Variants in CCDC88C observed in about 807,000 individuals in gnomAD.
The protein encoded by CCDC88C is coiled-coil and HOOK domain protein 88C, also known as protein Daple.
Under a neutral mutation model 198.8 loss-of-function variants are expected in CCDC88C, and 131 were observed. The ratio of observed to expected loss-of-function variants is 0.66; its 90% CI spans 0.57 to 0.76. The LOEUF is 0.76. Ranked by LOEUF, CCDC88C falls within the 30% of genes least tolerant of loss-of-function variation. The probability of loss-of-function intolerance (pLI) is 0.00; values close to 1 mark genes in which losing one functional copy is unlikely to be tolerated. For missense variants in CCDC88C, 2,553 were observed against 2,631.6 expected, an observed-to-expected ratio of 0.97 and a Z score of 0.65; for synonymous variants, 1,166 against 1,114.7, an observed-to-expected ratio of 1.05 and a Z score of -0.92.
Position 91,297,302 on chromosome 14 carries a change from C to A in CCDC88C, c.3966+3G>T. 6.2e-7 allele frequency: 1 copy of A among 1,612,462 alleles called. No homozygotes were observed. The highest frequency in any genetic ancestry group is 8.5e-7 in the Non-Finnish European group (1 of 1,179,246). ...CCCGAGGCTCCCCTGGCGCTGGCCTCACCTCACAGTGGTTGTCCAGCTTGG... is the reference window on the plus strand; with the variant it reads ...CCCGAGGCTCCCCTGGCGCTGGCCTAACCTCACAGTGGTTGTCCAGCTTGG... On this transcript the variant is annotated splice_donor_region_variant and intron_variant, in intron 22 of 29. Coordinates refer to ENST00000389857, the MANE Select transcript of CCDC88C (RefSeq NM_001080414.4).
At position 91,393,848 on chromosome 14, in the gene CCDC88C, C is replaced by T. The variant is rs952271744; in HGVS notation, c.270+14811G>A. ...CAGCCTGGGCGACAGAGCGAGACTC[C>T]GTCTCAAAAAAAAGAAATCAACTTC... On this transcript the variant is annotated intron_variant, in intron 3 of 29. Coordinates refer to ENST00000389857, the MANE Select transcript of CCDC88C (RefSeq NM_001080414.4). Among the ~76,000 whole-genome samples, 7 of 152,044 alleles carry T rather than the reference C, an allele frequency of 4.6e-5. No homozygotes were observed. The East Asian group carries it at 5.8e-4, about 13-fold the overall frequency.
At chr14:91,355,486 C>G (rs1371047309) in intron 4 of CCDC88C, among the ~76,000 whole-genome samples, 1 of 152,060 alleles carries the variant, frequency 6.6e-6, no homozygotes, top group African/African-American at 2.4e-5. Flanking sequence ...CCAGACAGAC[C>G]CTCCCCTCCC....
At chr14:91,387,705 A>T (rs1207918585) in intron 3 of CCDC88C, among the ~76,000 whole-genome samples, 1 of 152,202 alleles carries the variant, frequency 6.6e-6, no homozygotes, top group Non-Finnish European at 1.5e-5. Context: ...TTATGCAGCC[A>T]CAGGAAGATT....
At position 91,321,133 on chromosome 14, in the gene CCDC88C, T is replaced by C. The variant is rs377195223; in HGVS notation, c.1514A>G (p.Gln505Arg). Residue 505 changes from glutamine (Q) to arginine (R), a missense_variant, in exon 13 of 30, where the codon CAG (glutamine) becomes CGG (arginine). Transcript: ENST00000389857. ...KCGELEKENH[Q>R]LSKKIEKLQT... ...AGGCCGAGGTACCTTCTTGCTGAGC[T>C]GGTGGTTCTCCTTCTCCAGCTCCCC... The C allele has an allele frequency of 6.2e-7, 1 of 1,610,298 alleles. No individual in the cohort carries two copies. The highest frequency in any genetic ancestry group is 1.3e-5 in the African/African-American group (1 of 74,782).
At chr14:91,293,531 TGCCACGGCCCACC>T (rs1890837883) in intron 23 of CCDC88C, among the ~76,000 whole-genome samples, 1 of 13,908 alleles carries the variant, frequency 7.2e-5, no homozygotes, top group African/African-American at 5.7e-4. Flanking sequence ...TCCCCTCACC[TGCCACGGCCCACC>T]TTCCTGTCCC....
At chr14:91,408,610 G>A (rs547246935) in intron 3 of CCDC88C, 49 bp downstream of exon 3, 27 of 1,173,764 alleles carry the variant, frequency 2.3e-5, no homozygotes, top group African/African-American at 6.0e-5. Flanking sequence ...TGACAGTGAC[G>A]ATACTGATGG....
At chr14:91,345,187 T>C (rs1893486309) in intron 4 of CCDC88C, among the ~76,000 whole-genome samples, 1 of 83,146 alleles carries the variant, frequency 1.2e-5, no homozygotes, top group Non-Finnish European at 2.2e-5. Context: ...TATATATATA[T>C]ATATTTTTTT....
intron 3 of CCDC88C, among the ~76,000 whole-genome samples, chr14:91,405,651 C>T (rs909282751): frequency 9.2e-5 from 14 of 152,206 alleles, no homozygotes; most frequent in African/African-American, 2.9e-4. Flanking sequence ...CAAACGTTAA[C>T]GGCGATTGTC....
intron 3 of CCDC88C, among the ~76,000 whole-genome samples, chr14:91,383,586 C>T (rs1199865035): frequency 6.6e-6 from 1 of 152,206 alleles, no homozygotes; most frequent in African/African-American, 2.4e-5. Flanking sequence ...GCTGAGGATA[C>T]TCCACGAGGT....
intron 4 of CCDC88C, among the ~76,000 whole-genome samples, chr14:91,348,025 A>G (rs1220330395): frequency 6.6e-6 from 1 of 152,208 alleles, no homozygotes; most frequent in Non-Finnish European, 1.5e-5. Context: ...TGAGTTTTTG[A>G]GATGGAGTCT....
At chr14:91,285,833 G>C (rs1382417759) in intron 25 of CCDC88C, 8 of 1,286,150 alleles carry the variant, frequency 6.2e-6, no homozygotes, top group Non-Finnish European at 8.1e-6. Context: ...TTTGCGCGGA[G>C]GTGCTAAATT....
intron 24 of CCDC88C, among the ~76,000 whole-genome samples, chr14:91,290,027 T>C (rs1169555502): frequency 2.6e-5 from 4 of 152,010 alleles, no homozygotes; most frequent in African/African-American, 7.2e-5. Context: ...CCCCAGCACT[T>C]TGGGAGGCCG....
At chr14:91,314,247 C>T (rs577103925) in intron 14 of CCDC88C, 97 bp from the exon 15 acceptor site, 98 of 990,914 alleles carry the variant, frequency 9.9e-5, no homozygotes, top group Admixed American at 5.0e-4. Context: ...AGGCCTTGAA[C>T]GGCTGTCCTA....
chr14:91,322,039 G>GT (rs1327265650), intron 12 of CCDC88C, among the ~76,000 whole-genome samples: 1 of 152,024 alleles, frequency 6.6e-6, no homozygotes, highest in Non-Finnish European at 1.5e-5. Flanking sequence ...ATGATTTTAG[G>GT]TAAGTCATGG....
At chr14:91,360,866 T>C (rs1483615507) in intron 3 of CCDC88C, among the ~76,000 whole-genome samples, 1 of 152,232 alleles carries the variant, frequency 6.6e-6, no homozygotes, top group East Asian at 1.9e-4. Context: ...AAAATTCCAG[T>C]TCTGGTGGGG....
intron 15 of CCDC88C, among the ~76,000 whole-genome samples, chr14:91,312,641 C>T (rs111652790): frequency 0.014 from 2,202 of 152,260 alleles, 49 homozygotes; most frequent in African/African-American, 0.05. Flanking sequence ...GCCGAGATCA[C>T]GCAACAACAC....
chr14:91,312,088 C>T, intron 15 of CCDC88C, among the ~76,000 whole-genome samples: 1 of 151,968 alleles, frequency 6.6e-6, no homozygotes, highest in Non-Finnish European at 1.5e-5. Flanking sequence ...TACAGTAAAC[C>T]TATAGGATTA....
chr14:91,314,008 T>C lies in CCDC88C; in HGVS notation c.1808A>G (p.Asn603Ser), dbSNP rs771647881. 24 of 1,613,898 alleles carry C rather than the reference T, an allele frequency of 1.5e-5. No homozygotes were observed. Among genetic ancestry groups the C allele is most frequent in the Non-Finnish European group, 1.9e-5 (23 of 1,179,874 alleles). ...KALHQTVTEA[N>S]GKLSQLEFEK... ...AAACTCCAACTGGCTGAGCTTGCCA[T>C]TGGCCTCCGTCACCGTCTGGTGGAG... is the stretch of plus-strand genomic sequence containing the variant. The change falls in exon 15 of 30, where the codon AAT becomes AGT. Residue 603 changes from asparagine (N) to serine (S), a missense_variant. By Grantham distance (46) the Asn-to-Ser change is conservative. Transcript: ENST00000389857.
intron 22 of CCDC88C, among the ~76,000 whole-genome samples, chr14:91,296,379 G>A (rs544652202): frequency 6.6e-6 from 1 of 152,224 alleles, no homozygotes; most frequent in Non-Finnish European, 1.5e-5. Context: ...CTTCATCAGC[G>A]TGACCTTTTC....
Sources: allele counts gnomAD v4.1 joint callset (sites outside exome capture counted in the v4.1 genomes callset), GRCh38; gene constraint gnomAD v4.1.1; transcripts MANE v1.5; gene names NCBI Gene and HGNC (gene_info 2026-07-23, HGNC 2026-07-21).